Variants in DCDC1 observed in about 807,000 individuals in gnomAD.
DCDC1 encodes the protein doublecortin domain containing 1.
Under a neutral mutation model 178.3 loss-of-function variants are expected in DCDC1, and 200 were observed. The ratio of observed to expected loss-of-function variants is 1.12; its 90% CI spans 1.00 to 1.26. The LOEUF (loss-of-function observed/expected upper bound fraction) is 1.26, where lower values mean the gene tolerates loss of function less well. DCDC1 is among the 50% of genes most tolerant of loss of function. The probability of loss-of-function intolerance (pLI) is 0.00; values close to 1 mark genes in which losing one functional copy is unlikely to be tolerated. For missense variants in DCDC1, 1,983 were observed against 1,749.2 expected (o/e 1.13, Z -2.38); for synonymous variants, 690 against 604.8 (o/e 1.14, Z -2.07).
intron 15 of DCDC1, among the ~76,000 whole-genome samples, chr11:31,100,715 T>C (rs1330617653): frequency 6.6e-6 from 1 of 152,090 alleles, no homozygotes; most frequent in Non-Finnish European, 1.5e-5. Context: ...GAAAGGTAAG[T>C]TGAGAGCGGA....
rs548359420 is a variant in DCDC1 at position 31,179,415 on chromosome 11, A to T, written c.1222-41631T>A. Among the ~76,000 whole-genome samples, 8 of 152,362 alleles carry T rather than the reference A, an allele frequency of 5.3e-5. No homozygotes were observed. In the South Asian group the frequency reaches 1.7e-3, roughly 32 times the overall value. ...ACTATTCACAACAGCCAAAATACAGAATCAACCTAAGCGTCCAACAACAGA... is the reference window on the plus strand; with the variant it reads ...ACTATTCACAACAGCCAAAATACAGTATCAACCTAAGCGTCCAACAACAGA... On this transcript the variant is annotated intron_variant, in intron 9 of 38. Coordinates refer to ENST00000684477, the MANE Select transcript of DCDC1 (RefSeq NM_001387274.1).
At chr11:31,213,258 G>C (rs145258953) in intron 9 of DCDC1, among the ~76,000 whole-genome samples, 5 of 151,070 alleles carry the variant, frequency 3.3e-5, no homozygotes, top group South Asian at 2.1e-4. Flanking sequence ...TTTCTATTCA[G>C]GGTCTATTTT....
chr11:31,091,664 C>T (rs1444091202), intron 16 of DCDC1, among the ~76,000 whole-genome samples, 153 bp from the exon 17 acceptor site: 1 of 152,136 alleles, frequency 6.6e-6, no homozygotes, highest in Non-Finnish European at 1.5e-5. Context: ...ACTTAGCAGT[C>T]AGCGAGCCCT....
intron 11 of DCDC1, among the ~76,000 whole-genome samples, chr11:31,127,168 T>C (rs1961756577): frequency 6.6e-6 from 1 of 152,196 alleles, no homozygotes; most frequent in East Asian, 1.9e-4. Flanking sequence ...ATGACCATTG[T>C]GAAAAATTTG....
In DCDC1 at chr11:31,064,617, C is replaced by G; in HGVS notation, c.2443G>C (p.Glu815Gln). The G allele has an allele frequency of 1.3e-6, 1 of 765,594 alleles. No individual in the cohort carries two copies. The highest frequency in any genetic ancestry group is 2.4e-6 in the Non-Finnish European group (1 of 417,454). The allele number at this position is 765,594 out of a possible 1,614,324, so 47.4% of individuals were successfully genotyped here. A position where few individuals can be genotyped will look rare whatever the true frequency, so the allele number is the denominator to read the frequency against. The change falls in exon 20 of 39, where the codon GAA becomes CAA. Residue 815 changes from glutamate to glutamine, a missense_variant. Physicochemically the swap from Glu to Gln is conservative, Grantham distance 29. Coordinates refer to ENST00000684477, the MANE Select transcript of DCDC1 (RefSeq NM_001387274.1). ...GRNLAEEVLQ[E>Q]SASNLGLKQL... is the part of the protein sequence containing the mutation. Reference sequence around the variant, plus strand: ...TTCAGACCAAGGTTGCTGGCACTTTCTTGCAGAACCTAATAAATGAAATAT... The same window carrying G: ...TTCAGACCAAGGTTGCTGGCACTTTGTTGCAGAACCTAATAAATGAAATAT...
chr11:31,123,735 G>C (rs1329780615), intron 11 of DCDC1, among the ~76,000 whole-genome samples: 1 of 151,788 alleles, frequency 6.6e-6, no homozygotes, highest in African/African-American at 2.4e-5. Context: ...TACTTTATAG[G>C]GGAAAAAAAT....
chr11:30,957,328 G>C (rs1016061607), intron 20 of DCDC1, among the ~76,000 whole-genome samples: 1 of 152,002 alleles, frequency 6.6e-6, no homozygotes, highest in Non-Finnish European at 1.5e-5. Context: ...ACCTTAAAAG[G>C]CTCATCTCCT....
intron 2 of DCDC1, 129 bp from the exon 3 acceptor site, chr11:31,328,415 TG>T: frequency 1.1e-6 from 1 of 869,690 alleles, no homozygotes. Context: ...TGATTAAATG[TG>T]AAATTCCCTT....
intron 25 of DCDC1, among the ~76,000 whole-genome samples, chr11:30,917,962 A>G (rs1316912242): frequency 6.6e-6 from 1 of 152,146 alleles, no homozygotes; most frequent in East Asian, 1.9e-4. Flanking sequence ...ACATGTGGAT[A>G]TGAAACTGGT....
At chr11:31,047,739 T>A (rs1954944387) in intron 20 of DCDC1, among the ~76,000 whole-genome samples, 1 of 152,190 alleles carries the variant, frequency 6.6e-6, no homozygotes, top group Non-Finnish European at 1.5e-5. Context: ...GGAGGGATTT[T>A]TTTTAACTTA....
At chr11:31,210,513 C>T (rs773418601) in intron 9 of DCDC1, among the ~76,000 whole-genome samples, 35 of 152,070 alleles carry the variant, frequency 2.3e-4, no homozygotes, top group Non-Finnish European at 4.1e-4. Flanking sequence ...GAGTTCAAGA[C>T]CAGCCTGGCC....
At chr11:30,893,027 T>C (rs1943917082) in intron 35 of DCDC1, 30 bp from the exon 36 acceptor site, 3 of 1,610,130 alleles carry the variant, frequency 1.9e-6, no homozygotes, top group Non-Finnish European at 2.5e-6. Context: ...GAATGTTGTG[T>C]TTAGAGAACT....
chr11:31,217,601 T>A (rs1043695662), intron 9 of DCDC1, among the ~76,000 whole-genome samples: 8 of 152,124 alleles, frequency 5.3e-5, no homozygotes, highest in Non-Finnish European at 1.2e-4. Context: ...ACTATGTACT[T>A]CTATATGTGC....
chr11:31,115,605 C>A (rs1432776086), intron 11 of DCDC1, among the ~76,000 whole-genome samples: 1 of 152,162 alleles, frequency 6.6e-6, no homozygotes, highest in Non-Finnish European at 1.5e-5. Flanking sequence ...TGGCATATTT[C>A]AGGTGAACAT....
At chr11:31,128,000 T>C (rs1157778873) in intron 10 of DCDC1, among the ~76,000 whole-genome samples, 1 of 152,150 alleles carries the variant, frequency 6.6e-6, no homozygotes, top group Non-Finnish European at 1.5e-5. Flanking sequence ...CCAATGTATG[T>C]AACCTACCAC....
chr11:31,273,095 C>A (rs1945698282), intron 7 of DCDC1, among the ~76,000 whole-genome samples: 1 of 152,168 alleles, frequency 6.6e-6, no homozygotes. Flanking sequence ...TCCTCCTAGG[C>A]CTCCAGGCTT....
At chr11:31,293,809 C>T (rs1565564518) in intron 6 of DCDC1, among the ~76,000 whole-genome samples, 1 of 152,180 alleles carries the variant, frequency 6.6e-6, no homozygotes, top group Non-Finnish European at 1.5e-5. Context: ...TGTGGTGGCA[C>T]TGGGACATGA....
chr11:30,935,825 TA>T (rs1275372047), intron 21 of DCDC1, among the ~76,000 whole-genome samples: 1 of 152,238 alleles, frequency 6.6e-6, no homozygotes, highest in African/African-American at 2.4e-5. Context: ...GTGCTGGGAT[TA>T]CAGGCATAAG....
At chr11:31,088,842 T>G (rs1189516234) in intron 17 of DCDC1, among the ~76,000 whole-genome samples, 2 of 152,018 alleles carry the variant, frequency 1.3e-5, no homozygotes, top group East Asian at 3.9e-4. Flanking sequence ...GAACTACAGG[T>G]GTAGACCTTC....
Sources: gnomAD v4.1 joint callset for allele counts (sites outside exome capture counted in the v4.1 genomes callset) on GRCh38, gnomAD v4.1.1 for gene constraint, MANE v1.5 for transcripts, NCBI Gene and HGNC (gene_info 2026-07-23, HGNC 2026-07-21) for gene names.